Variants in EFCAB7 observed in about 807,000 individuals in gnomAD.
The protein encoded by EFCAB7 is EF-hand calcium-binding domain-containing protein 7.
A neutral mutation model predicts 77.1 loss-of-function variants in EFCAB7; 66 were observed. The observed-to-expected ratio is 0.86, with a 90% CI of 0.70 to 1.05. The LOEUF (loss-of-function observed/expected upper bound fraction) is 1.05. Among genes scored for constraint, EFCAB7 ranks in the 50% least tolerant of loss-of-function variants. The pLI, the probability that EFCAB7 is intolerant of heterozygous loss-of-function variation, is 0.00. For synonymous variants in EFCAB7, 225 were observed against 243.3 expected (o/e 0.92, Z 0.70); for missense variants, 638 against 730.5 (o/e 0.87, Z 1.46).
chr1:63,573,484 C>T (rs1373614703), downstream of EFCAB7, among the ~76,000 whole-genome samples: 1 of 152,122 alleles, frequency 6.6e-6, no homozygotes, highest in Non-Finnish European at 1.5e-5. Context: ...CAGCATAGCC[C>T]AGCCAGCAAA....
At chr1:63,584,230 T>G in the EFCAB7 span, among the ~76,000 whole-genome samples, 1 of 152,158 alleles carries the variant, frequency 6.6e-6, no homozygotes. Flanking sequence ...GAAACATTTT[T>G]AGAGAAATGA....
chr1:63,558,558 T>A lies in EFCAB7; in HGVS notation c.1348+1311T>A, dbSNP rs545897444. On this transcript the variant is annotated intron_variant, in intron 10 of 13. Transcript: ENST00000371088. ...GCTATCAAAAAGTCTCCAAGAGTTA[T>A]TGACTTGAAAAATGATTTGGAGGAA... Among the ~76,000 whole-genome samples, 54 of 152,304 alleles carry A rather than the reference T, an allele frequency of 3.5e-4. No individual in the cohort carries two copies. In the East Asian group the frequency reaches 9.8e-3, roughly 28 times the overall value.
chr1:63,561,903 A>G, intron 11 of EFCAB7, 46 bp downstream of exon 11: 1 of 1,353,206 alleles, frequency 7.4e-7, no homozygotes, highest in Non-Finnish European at 9.7e-7. Flanking sequence ...TGTACATAAT[A>G]TTTTACTTTA....
At chr1:63,528,073 C>G (rs994338263) in intron 2 of EFCAB7, 74 of 152,310 alleles carry the variant, frequency 4.9e-4, no homozygotes, top group African/African-American at 1.7e-3. Context: ...CATCCTACTG[C>G]TTGGTATATA....
intron 10 of EFCAB7, 45 bp from the exon 11 acceptor site, chr1:63,561,664 G>A: frequency 7.7e-7 from 1 of 1,290,714 alleles, no homozygotes; most frequent in Non-Finnish European, 1.1e-6. Context: ...TTAAAGTTAT[G>A]AATTTTTAAA....
intron 6 of EFCAB7, among the ~76,000 whole-genome samples, chr1:63,539,455 T>C (rs954858155): frequency 2.0e-5 from 3 of 152,188 alleles, no homozygotes; most frequent in Non-Finnish European, 4.4e-5. Flanking sequence ...TATTGTAATA[T>C]ATTCATAAAG....
At chr1:63,580,016 T>C in the EFCAB7 span, among the ~76,000 whole-genome samples, 7 of 152,324 alleles carry the variant, frequency 4.6e-5, no homozygotes, top group East Asian at 1.9e-4. Context: ...CTTCTGTAGA[T>C]AGTCTTTTTG....
At chr1:63,553,308 A>G (rs1646988174) in intron 8 of EFCAB7, among the ~76,000 whole-genome samples, 1 of 152,144 alleles carries the variant, frequency 6.6e-6, no homozygotes, top group Non-Finnish European at 1.5e-5. Flanking sequence ...TATGCTTTTC[A>G]AAGGATGGAT....
At chr1:63,547,415 G>T (rs1570410807) in intron 7 of EFCAB7, 1 of 152,212 alleles carries the variant, frequency 6.6e-6, no homozygotes, top group African/African-American at 2.4e-5. Flanking sequence ...GACATGGTAT[G>T]TAGGAAAGTG....
intron 1 of EFCAB7, among the ~76,000 whole-genome samples, chr1:63,525,054 C>G (rs1280649940): frequency 6.6e-6 from 1 of 152,178 alleles, no homozygotes; most frequent in Non-Finnish European, 1.5e-5. Flanking sequence ...TCAACTACCA[C>G]TCATATCCCG....
At chr1:63,569,818 A>C (rs1409819259) in intron 12 of EFCAB7, 5 of 152,172 alleles carry the variant, frequency 3.3e-5, no homozygotes, top group African/African-American at 9.7e-5. Context: ...AAATGGACCA[A>C]TCATGCCTCA....
At chr1:63,532,123 T>C in intron 3 of EFCAB7, 92 bp downstream of exon 3, 1 of 907,100 alleles carries the variant, frequency 1.1e-6, no homozygotes. Context: ...TAAAAATAAG[T>C]ATTTCATTGA....
intron 11 of EFCAB7, among the ~76,000 whole-genome samples, chr1:63,562,556 G>A (rs893155438): frequency 7.0e-5 from 10 of 143,126 alleles, no homozygotes; most frequent in Admixed American, 2.1e-4. Context: ...CTGGAGTGCA[G>A]TGGCACAATC....
intron 11 of EFCAB7, among the ~76,000 whole-genome samples, chr1:63,567,826 A>G (rs974653259): frequency 6.6e-6 from 1 of 152,162 alleles, no homozygotes; most frequent in Non-Finnish European, 1.5e-5. Context: ...GAAAAATTTC[A>G]TTCGGAATGC....
intron 8 of EFCAB7, 66 bp downstream of exon 8, chr1:63,551,900 A>G: frequency 1.0e-6 from 1 of 976,464 alleles, no homozygotes; most frequent in East Asian, 2.9e-5. Flanking sequence ...TGGGGAAAGT[A>G]TGTTTCTGTA....
At chr1:63,551,591 GA>G (rs35587501) in intron 7 of EFCAB7, 133 bp from the exon 8 acceptor site, 113,190 of 337,474 alleles carry the variant, frequency 0.34, 14,398 homozygotes, top group Admixed American at 0.44. Flanking sequence ...ACTCCGTCTT[GA>G]AAAAAAAAAA....
In EFCAB7 at chr1:63,546,004, A is replaced by G. The variant is rs563644989; in HGVS notation, c.893A>G (p.Gln298Arg). ...ISHQYRMQIA[Q>R]RSMVYLTIKP... is the part of the protein sequence containing the mutation. ...CATCAGTACAGGATGCAAATAGCTC[A>G]GAGGTCCATGGTTTATCTAACAATT... is the stretch of plus-strand genomic sequence containing the variant. Residue 298 changes from glutamine (Q) to arginine (R), a missense_variant, in exon 7 of 14, where the codon CAG (glutamine) becomes CGG (arginine). By Grantham distance (43) the Gln-to-Arg change is conservative. Coordinates refer to ENST00000371088, the MANE Select transcript of EFCAB7 (RefSeq NM_032437.4). 6.2e-7 allele frequency: 1 copy of G among 1,613,748 alleles called. No individual in the cohort carries two copies. Among genetic ancestry groups the G allele is most frequent in the Non-Finnish European group, 8.5e-7 (1 of 1,179,698 alleles).
intron 6 of EFCAB7, among the ~76,000 whole-genome samples, chr1:63,534,697 A>G (rs1435409054): frequency 6.6e-6 from 1 of 152,086 alleles, no homozygotes; most frequent in East Asian, 1.9e-4. Context: ...CAGAAATATA[A>G]AACATTAACT....
chr1:63,524,759 G>T (rs996749832), intron 1 of EFCAB7, among the ~76,000 whole-genome samples: 2 of 152,058 alleles, frequency 1.3e-5, no homozygotes, highest in African/African-American at 2.4e-5. Flanking sequence ...GCCACTTACT[G>T]CTAGCTGGGT....
Sources: allele counts gnomAD v4.1 joint callset (sites outside exome capture counted in the v4.1 genomes callset), GRCh38; gene constraint gnomAD v4.1.1; transcripts MANE v1.5; gene names NCBI Gene and HGNC (gene_info 2026-07-23, HGNC 2026-07-21).